The following NR1I2 variants were observed in gnomAD, a reference collection of about 807,000 sequenced individuals.
NR1I2 encodes nuclear receptor subfamily 1 group I member 2.
A neutral mutation model predicts 43.3 loss-of-function variants in NR1I2; 42 were observed. That is an observed-to-expected ratio of 0.97 (90% CI 0.76 to 1.26). The LOEUF is 1.26. Ranked by LOEUF, NR1I2 falls within the 50% of genes most tolerant of loss-of-function variation. The pLI is 0.00. For synonymous variants in NR1I2, 229 were observed against 215.0 expected (o/e 1.06, Z -0.57); for missense variants, 559 against 566.7 (o/e 0.99, Z 0.14).
chr3:119,807,263 C>G lies in NR1I2; in HGVS notation c.13C>G (p.Pro5Ala). ...CCCAGAAGCAAACCTGGAGGTGAGA[C>G]CCAAAGAAAGCTGGAACCATGCTGA... Residue 5 changes from proline to alanine, a missense_variant, in exon 2 of 9, where the codon CCC becomes GCC. Physicochemically the swap from Pro to Ala is conservative, Grantham distance 27. This residue lies in a region of NR1I2 where 232 missense variants were observed against 236.6 expected (regional missense o/e 0.98). Coordinates refer to ENST00000393716, the MANE Select transcript of NR1I2 (RefSeq NM_003889.4). 6.2e-7 allele frequency: 1 copy of G among 1,614,156 alleles called. No homozygotes were observed. Among genetic ancestry groups the G allele is most frequent in the Non-Finnish European group, 8.5e-7 (1 of 1,180,034 alleles).
chr3:119,783,986 A>C (rs1361751742), intron 1 of NR1I2, among the ~76,000 whole-genome samples: 1 of 152,160 alleles, frequency 6.6e-6, no homozygotes, highest in East Asian at 1.9e-4. Context: ...TTCGATAGAT[A>C]TTTAAGCTTT....
intron 1 of NR1I2, chr3:119,792,214 C>T: frequency 6.7e-7 from 1 of 1,488,736 alleles, no homozygotes; most frequent in Non-Finnish European, 9.3e-7. Context: ...TCAGTGGTGG[C>T]TCGCTTTGAT....
rs767445677 is a variant in NR1I2, at chr3:119,817,945, T to TA, written c.*740dup. ...ATCCTGAGCTCACAGAGTTTATAGT[T>TA]AAAAAAACAAACAGAAACACAAACG... On this transcript the variant is annotated 3_prime_UTR_variant, in exon 9 of 9. Transcript: ENST00000393716. The TA allele has an allele frequency of 1.4e-4, 139 of 984,716 alleles. No individual in the cohort carries two copies. Among genetic ancestry groups the TA allele is most frequent in the South Asian group, 2.4e-4 (5 of 21,270 alleles). 61.0% of individuals were successfully genotyped at this position (984,716 alleles called of 1,614,324 possible).
chr3:119,810,763 A>G (rs918288700), intron 3 of NR1I2, among the ~76,000 whole-genome samples: 3 of 152,192 alleles, frequency 2.0e-5, no homozygotes, highest in Non-Finnish European at 2.9e-5. Context: ...TTTCTAGTGC[A>G]TATTTGTCTC....
chr3:119,799,140 C>G (rs1034356323), intron 1 of NR1I2, among the ~76,000 whole-genome samples: 2 of 152,158 alleles, frequency 1.3e-5, no homozygotes, highest in Non-Finnish European at 2.9e-5. Flanking sequence ...GTGGCTGCAC[C>G]ATTTTACACT....
chr3:119,815,010 C>T lies in NR1I2; in HGVS notation c.826C>T (p.Leu276=). 6.2e-7 allele frequency: 1 copy of T among 1,614,194 alleles called. No homozygotes were observed. The highest frequency in any genetic ancestry group is 8.5e-7 in the Non-Finnish European group (1 of 1,180,024). The stretch of plus-strand genomic sequence containing the variant: ...GCCCATCGAGGACCAGATCTCCCTG[C>T]TGAAGGGGGCCGCTTTCGAGCTGTG... The change falls in exon 6 of 9, where the codon CTG becomes TTG. Residue 276 remains leucine (L), a synonymous_variant. Coordinates refer to ENST00000393716, the MANE Select transcript of NR1I2 (RefSeq NM_003889.4).
chr3:119,809,990 A>G (rs2055214613), intron 2 of NR1I2, 71 bp from the exon 3 acceptor site: 1 of 1,593,408 alleles, frequency 6.3e-7, no homozygotes, highest in Non-Finnish European at 8.6e-7. Context: ...GGGAGGTGGT[A>G]TGGCCCGGAG....
chr3:119,796,127 A>G (rs1035481508), intron 1 of NR1I2, among the ~76,000 whole-genome samples: 3 of 152,168 alleles, frequency 2.0e-5, no homozygotes, highest in African/African-American at 7.2e-5. Flanking sequence ...GGGGAGGACC[A>G]TGTTCAACTT....
chr3:119,811,442 G>T lies in NR1I2; in HGVS notation c.332-97G>T, dbSNP rs2055239539. On this transcript the variant is annotated intron_variant, in intron 3 of 8. Transcript: ENST00000393716. ...CCATTACTTTCTCTTTTGCCTAACGGCTTCTGCTGCCTTGAGAGGGTTACA... is the reference window on the plus strand; with the variant it reads ...CCATTACTTTCTCTTTTGCCTAACGTCTTCTGCTGCCTTGAGAGGGTTACA... 3 of 1,223,080 alleles carry T rather than the reference G, an allele frequency of 2.5e-6. No homozygotes were observed. In the African/African-American group the frequency reaches 4.6e-5, roughly 19 times the overall value. The allele number at this position is 1,223,080 out of a possible 1,614,324, so 75.8% of individuals were successfully genotyped here.
intron 1 of NR1I2, among the ~76,000 whole-genome samples, chr3:119,783,420 C>T (rs1470810477): frequency 2.0e-5 from 3 of 152,040 alleles, no homozygotes; most frequent in Non-Finnish European, 4.4e-5. Context: ...AGGAATAGTG[C>T]CTGCTATAGC....
At chr3:119,796,834 C>T (rs2107956790) in intron 1 of NR1I2, among the ~76,000 whole-genome samples, 1 of 152,342 alleles carries the variant, frequency 6.6e-6, no homozygotes, top group South Asian at 2.1e-4. Context: ...GCACTCTCCT[C>T]TTCCTCTTCA....
chr3:119,792,133 G>A lies in NR1I2; in HGVS notation c.-23+9833G>A, dbSNP rs72554012. 513 of 808,662 alleles carry A rather than the reference G, an allele frequency of 6.3e-4. 3 individuals carry two copies. In the African/African-American group the frequency reaches 7.1e-3, roughly 11 times the overall value. The allele number at this position is 808,662 out of a possible 1,614,324, so 50.1% of individuals were successfully genotyped here. A position where few individuals can be genotyped will look rare whatever the true frequency, so the allele number is the denominator to read the frequency against. On this transcript the variant is annotated intron_variant, in intron 1 of 8. Coordinates refer to ENST00000393716, the MANE Select transcript of NR1I2 (RefSeq NM_003889.4). ...GGGCCTGTCACTAGCCAGCTTCCTCGCATCTTCACCAGGATCGGAGAAGAC... is the reference window on the plus strand; with the variant it reads ...GGGCCTGTCACTAGCCAGCTTCCTCACATCTTCACCAGGATCGGAGAAGAC...
At chr3:119,785,015 A>C (rs1272936387) in intron 1 of NR1I2, among the ~76,000 whole-genome samples, 1 of 152,208 alleles carries the variant, frequency 6.6e-6, no homozygotes, top group African/African-American at 2.4e-5. Flanking sequence ...CATATCATCT[A>C]TATATAGTAA....
chr3:119,808,304 C>T (rs969147055), intron 2 of NR1I2, among the ~76,000 whole-genome samples: 1 of 152,238 alleles, frequency 6.6e-6, no homozygotes. Context: ...GGGCACAGTG[C>T]TGGGGCCCCA....
intron 2 of NR1I2, among the ~76,000 whole-genome samples, chr3:119,807,978 C>G (rs2107969721): frequency 6.6e-6 from 1 of 152,298 alleles, no homozygotes; most frequent in East Asian, 1.9e-4. Context: ...AGACAGCCAG[C>G]CTGACAGCCC....
intron 1 of NR1I2, among the ~76,000 whole-genome samples, chr3:119,786,530 A>G (rs1232600080): frequency 6.6e-6 from 1 of 152,228 alleles, no homozygotes; most frequent in Non-Finnish European, 1.5e-5. Flanking sequence ...GTCAAACTAT[A>G]AAACCACAGG....
rs1200911701 is a variant in NR1I2, at chr3:119,815,001, A to G, written c.817A>G (p.Ile273Val). Residue 273 changes from isoleucine (I) to valine (V), a missense_variant, in exon 6 of 9, where the codon ATC becomes GTC. Physicochemically the swap from Ile to Val is conservative, Grantham distance 29. Around this residue, in one of 3 missense-constraint regions of NR1I2, gnomAD observed 323 missense variants for 312.2 expected, o/e 1.03. Transcript: ENST00000393716. ...CAGGGACTTGCCCATCGAGGACCAG[A>G]TCTCCCTGCTGAAGGGGGCCGCTTT... The G allele has an allele frequency of 1.9e-6, 3 of 1,614,074 alleles. No homozygotes were observed. Among genetic ancestry groups the G allele is most frequent in the African/African-American group, 2.7e-5 (2 of 74,990 alleles).
chr3:119,801,082 G>T (rs112129658), intron 1 of NR1I2, among the ~76,000 whole-genome samples: 119 of 152,316 alleles, frequency 7.8e-4, no homozygotes, highest in African/African-American at 2.7e-3. Context: ...TGTGTGCTCA[G>T]TGCAGCCTGA....
At chr3:119,791,123 G>GGCTTATA (rs1465837584) in intron 1 of NR1I2, among the ~76,000 whole-genome samples, 1 of 152,214 alleles carries the variant, frequency 6.6e-6, no homozygotes, top group Non-Finnish European at 1.5e-5. Context: ...CCAGCCAGCA[G>GGCTTATA]ACCTTATAAC....
Sources: allele counts gnomAD v4.1 joint callset (sites outside exome capture counted in the v4.1 genomes callset), GRCh38; gene constraint gnomAD v4.1.1; regional missense constraint gnomAD v4.1.1; transcripts MANE v1.5; gene names NCBI Gene and HGNC (gene_info 2026-07-23, HGNC 2026-07-21).